C1orf21: variants seen among roughly 807,000 people sequenced by gnomAD.
C1orf21 encodes chromosome 1 open reading frame 21.
Under a neutral mutation model 18.7 loss-of-function variants are expected in C1orf21, and 3 were observed. That is an observed-to-expected ratio of 0.16 (90% CI 0.07 to 0.42). The LOEUF (loss-of-function observed/expected upper bound fraction) is 0.42. C1orf21 is among the 10% of genes least tolerant of loss of function. C1orf21 has a pLI of 0.99. For missense variants in C1orf21, 104 were observed against 143.6 expected (o/e 0.72, Z 1.41); for synonymous variants, 41 against 46.4 (o/e 0.88, Z 0.47).
chr1:184,392,334 T>C (rs887998697), intron 1 of C1orf21, among the ~76,000 whole-genome samples: 1 of 152,168 alleles, frequency 6.6e-6, no homozygotes, highest in Non-Finnish European at 1.5e-5. Context: ...CTTGATTTAT[T>C]AGATTCACTG....
chr1:184,571,887 T>G (rs896780456), intron 3 of C1orf21, among the ~76,000 whole-genome samples: 18 of 147,586 alleles, frequency 1.2e-4, no homozygotes, highest in African/African-American at 4.1e-4. Flanking sequence ...TCTATGGCCT[T>G]GTTTCCTTGA....
chr1:184,597,241 A>G (rs1659529234), intron 4 of C1orf21, among the ~76,000 whole-genome samples: 1 of 152,246 alleles, frequency 6.6e-6, no homozygotes, highest in Non-Finnish European at 1.5e-5. Flanking sequence ...TTTGTAAACC[A>G]TGACAATTGA....
chr1:184,583,564 C>T (rs1410856044), intron 3 of C1orf21, among the ~76,000 whole-genome samples: 7 of 152,202 alleles, frequency 4.6e-5, no homozygotes, highest in Non-Finnish European at 2.9e-5. Context: ...AAAGCTGGCT[C>T]TGTAGAGAGC....
chr1:184,441,833 TAAAG>T (rs1404989304), intron 1 of C1orf21, among the ~76,000 whole-genome samples: 3 of 152,188 alleles, frequency 2.0e-5, no homozygotes, highest in Non-Finnish European at 4.4e-5. Flanking sequence ...TGACAATAAT[TAAAG>T]AAATGTGTAG....
chr1:184,460,952 T>C (rs1019232050), intron 1 of C1orf21, among the ~76,000 whole-genome samples: 21 of 152,056 alleles, frequency 1.4e-4, no homozygotes, highest in African/African-American at 4.8e-4. Flanking sequence ...AGGACAGGTG[T>C]CCTTCCTTGA....
At chr1:184,528,767 G>A (rs1658415099) in intron 3 of C1orf21, among the ~76,000 whole-genome samples, 1 of 152,134 alleles carries the variant, frequency 6.6e-6, no homozygotes, top group Admixed American at 6.5e-5. Context: ...TTTAATGGAT[G>A]TGTAAAAGCA....
chr1:184,578,817 C>G (rs1377449616), intron 3 of C1orf21, among the ~76,000 whole-genome samples: 1 of 151,844 alleles, frequency 6.6e-6, no homozygotes, highest in Non-Finnish European at 1.5e-5. Context: ...CATAAATATT[C>G]CAATTCTCCT....
intron 3 of C1orf21, among the ~76,000 whole-genome samples, chr1:184,548,055 G>T (rs1658751976): frequency 6.6e-6 from 1 of 152,128 alleles, no homozygotes; most frequent in South Asian, 2.1e-4. Flanking sequence ...TCTGTGCTGG[G>T]CCTCACAACC....
At chr1:184,596,149 C>G (rs998043421) in intron 4 of C1orf21, among the ~76,000 whole-genome samples, 6 of 152,164 alleles carry the variant, frequency 3.9e-5, no homozygotes, top group Admixed American at 2.0e-4. Context: ...TTGTCCCTCT[C>G]ATGTGCATGT....
At chr1:184,472,168 C>T (rs1657505973) in intron 1 of C1orf21, among the ~76,000 whole-genome samples, 1 of 151,812 alleles carries the variant, frequency 6.6e-6, no homozygotes, top group Non-Finnish European at 1.5e-5. Context: ...CTTTATGGAG[C>T]TTAGATGTTA....
Position 184,619,541 on chromosome 1 carries a change from A to C in C1orf21, c.351A>C (p.Glu117Asp), listed in dbSNP as rs2102013744. The C allele has an allele frequency of 6.2e-7, 1 of 1,613,862 alleles. No individual in the cohort carries two copies. Among genetic ancestry groups the C allele is most frequent in the Non-Finnish European group, 8.5e-7 (1 of 1,179,906 alleles). The part of the protein sequence containing the change: ...IEKGRDYCSE[E>D]EDIT ...AGGGTCGGGATTACTGTTCGGAAGA[A>C]GAGGATATCACATAGCACCAATTTT... The change falls in exon 6 of 6, where the codon GAA becomes GAC. Residue 117 changes from glutamate (E) to aspartate (D), a missense_variant. Physicochemically the swap from Glu to Asp is conservative, Grantham distance 45 (BLOSUM62 2). Transcript: ENST00000235307.
At chr1:184,400,282 A>C (rs568895283) in intron 1 of C1orf21, among the ~76,000 whole-genome samples, 1 of 152,100 alleles carries the variant, frequency 6.6e-6, no homozygotes, top group African/African-American at 2.4e-5. Context: ...ACCACAGTAC[A>C]GTTGTTAGGG....
intron 3 of C1orf21, among the ~76,000 whole-genome samples, chr1:184,534,741 G>A (rs769621284): frequency 5.3e-5 from 8 of 152,232 alleles, no homozygotes; most frequent in East Asian, 1.9e-4. Flanking sequence ...AATGGGGCAC[G>A]GGTACATGAA....
intron 1 of C1orf21, among the ~76,000 whole-genome samples, chr1:184,475,723 T>C (rs1310678612): frequency 1.4e-5 from 2 of 146,434 alleles, no homozygotes; most frequent in Admixed American, 7.1e-5. Context: ...TACTGCTAAA[T>C]AATGGAATAG....
intron 3 of C1orf21, among the ~76,000 whole-genome samples, chr1:184,565,084 C>G (rs1230034069): frequency 6.6e-6 from 1 of 152,310 alleles, no homozygotes; most frequent in Non-Finnish European, 1.5e-5. Context: ...AAAGTGCCAT[C>G]CTTGCTGTCA....
intron 2 of C1orf21, among the ~76,000 whole-genome samples, chr1:184,490,403 A>G (rs1657800428): frequency 6.6e-6 from 1 of 152,228 alleles, no homozygotes; most frequent in South Asian, 2.1e-4. Context: ...GCCTCAGCTG[A>G]GTCTTAAAAT....
At chr1:184,447,893 A>G (rs1657057765) in intron 1 of C1orf21, among the ~76,000 whole-genome samples, 1 of 152,118 alleles carries the variant, frequency 6.6e-6, no homozygotes, top group Non-Finnish European at 1.5e-5. Context: ...GCCCTTCATT[A>G]TCCAACCCTG....
intron 3 of C1orf21, among the ~76,000 whole-genome samples, chr1:184,581,858 G>A (rs1476444671): frequency 6.6e-6 from 1 of 152,190 alleles, no homozygotes; most frequent in African/African-American, 2.4e-5. Context: ...TATAAAATGA[G>A]ATACATGGCT....
At chr1:184,447,411 T>C (rs2101977851) in intron 1 of C1orf21, among the ~76,000 whole-genome samples, 1 of 152,352 alleles carries the variant, frequency 6.6e-6, no homozygotes, top group South Asian at 2.1e-4. Context: ...TCACGTTTCA[T>C]GGCTTTTTCT....
Sources: allele counts gnomAD v4.1 joint callset (sites outside exome capture counted in the v4.1 genomes callset), GRCh38; gene constraint gnomAD v4.1.1; transcripts MANE v1.5; gene names NCBI Gene and HGNC (gene_info 2026-07-23, HGNC 2026-07-21).